PTPRD: variants seen among roughly 807,000 people sequenced by gnomAD.
The protein encoded by PTPRD is protein tyrosine phosphatase receptor type D.
In PTPRD, 34 loss-of-function variants were observed where a neutral mutation model predicts 214.5. That is an observed-to-expected ratio of 0.16 (90% CI 0.12 to 0.21). PTPRD has a LOEUF of 0.21. Among genes scored for constraint, PTPRD ranks in the 10% least tolerant of loss-of-function variants. The pLI is 1.00. For synonymous variants in PTPRD, 1,128 were observed against 845.7 expected, an observed-to-expected ratio of 1.33 and a Z score of -5.79; for missense variants, 2,545 against 2,398.7, an observed-to-expected ratio of 1.06 and a Z score of -1.27.
At chr9:9,587,619 G>T (rs1028096834) in intron 7 of PTPRD, among the ~76,000 whole-genome samples, 4 of 151,898 alleles carry the variant, frequency 2.6e-5, no homozygotes, top group Non-Finnish European at 4.4e-5. Context: ...AAAGGCTGGG[G>T]GTCTCACTAA....
chr9:9,176,284 T>A (rs1271309653), intron 10 of PTPRD, among the ~76,000 whole-genome samples: 1 of 152,192 alleles, frequency 6.6e-6, no homozygotes, highest in Admixed American at 6.5e-5. Context: ...TAGAAAGAGG[T>A]ATCTAACTTT....
intron 2 of PTPRD, among the ~76,000 whole-genome samples, chr9:10,505,897 T>A (rs1160538314): frequency 6.6e-6 from 1 of 152,072 alleles, no homozygotes; most frequent in African/African-American, 2.4e-5. Flanking sequence ...TATCAATACA[T>A]AAGCAGAAAA....
At position 8,404,464 on chromosome 9, in the gene PTPRD, C is replaced by A. The variant is rs2092767210; in HGVS notation, c.4210+73G>T. On this transcript the variant is annotated intron_variant, in intron 36 of 45. Coordinates refer to ENST00000381196, the MANE Select transcript of PTPRD (RefSeq NM_002839.4). ...CTTTCAGAGATGGTTAATAACCTCA[C>A]TAAAACAATATTCTCATGCACATAC... is the stretch of plus-strand genomic sequence containing the variant. 3.3e-6 allele frequency: 5 copies of A among 1,535,262 alleles called. No homozygotes were observed. The African/African-American group carries it at 6.8e-5, about 21-fold the overall frequency.
chr9:10,381,449 C>T (rs1017283431), intron 2 of PTPRD, among the ~76,000 whole-genome samples: 36 of 151,980 alleles, frequency 2.4e-4, no homozygotes, highest in African/African-American at 8.2e-4. Context: ...GCATATCATG[C>T]TTTCAATAGA....
chr9:8,553,552 G>C (rs1234974845), intron 14 of PTPRD, among the ~76,000 whole-genome samples: 1 of 152,104 alleles, frequency 6.6e-6, no homozygotes, highest in Non-Finnish European at 1.5e-5. Flanking sequence ...TCTACCAGGA[G>C]ATAGTAATAA....
At chr9:8,417,241 T>G (rs1326178030) in intron 35 of PTPRD, among the ~76,000 whole-genome samples, 2 of 152,104 alleles carry the variant, frequency 1.3e-5, no homozygotes, top group Non-Finnish European at 2.9e-5. Context: ...AGTATAATCT[T>G]TACTTTAATA....
At chr9:10,301,821 A>T (rs1232906287) in intron 3 of PTPRD, among the ~76,000 whole-genome samples, 1 of 152,232 alleles carries the variant, frequency 6.6e-6, no homozygotes, top group African/African-American at 2.4e-5. Flanking sequence ...TGATGAGGAG[A>T]AAGTAAACAA....
chr9:9,495,116 G>A (rs4008101), intron 8 of PTPRD, among the ~76,000 whole-genome samples: 9,877 of 152,008 alleles, frequency 0.065, 536 homozygotes, highest in East Asian at 0.26. Flanking sequence ...AGCCACATGC[G>A]AAACAATGAA....
At chr9:9,266,178 A>T (rs1265494401) in intron 9 of PTPRD, among the ~76,000 whole-genome samples, 1 of 151,542 alleles carries the variant, frequency 6.6e-6, no homozygotes, top group Non-Finnish European at 1.5e-5. Flanking sequence ...TCAAATCATC[A>T]AAAGGATGTA....
intron 21 of PTPRD, among the ~76,000 whole-genome samples, chr9:8,512,966 C>T (rs772259443): frequency 2.6e-5 from 4 of 151,938 alleles, no homozygotes; most frequent in Non-Finnish European, 5.9e-5. Flanking sequence ...ATTACCTTTA[C>T]AAGAAAACTA....
intron 3 of PTPRD, among the ~76,000 whole-genome samples, chr9:10,321,846 A>T (rs1187965684): frequency 6.6e-6 from 1 of 152,018 alleles, no homozygotes. Flanking sequence ...TCATGGGTAA[A>T]TGTTTCAGTT....
chr9:8,412,655 GA>G (rs1025889000), intron 35 of PTPRD, among the ~76,000 whole-genome samples: 38 of 152,260 alleles, frequency 2.5e-4, no homozygotes, highest in African/African-American at 8.7e-4. Flanking sequence ...GAACATCCCT[GA>G]TAGAAGACTA....
At chr9:8,353,509 C>G (rs146858920) in intron 39 of PTPRD, among the ~76,000 whole-genome samples, 1 of 151,754 alleles carries the variant, frequency 6.6e-6, no homozygotes, top group East Asian at 1.9e-4. Flanking sequence ...CTCGGCTCAT[C>G]GTAAACTCCG....
chr9:10,088,782 A>G (rs1300121586), intron 3 of PTPRD, among the ~76,000 whole-genome samples: 3 of 151,768 alleles, frequency 2.0e-5, no homozygotes, highest in Admixed American at 2.0e-4. Context: ...GCTGGCCAGC[A>G]TAATAGCTAA....
chr9:8,802,049 A>G (rs893299621), intron 11 of PTPRD, among the ~76,000 whole-genome samples: 1 of 152,176 alleles, frequency 6.6e-6, no homozygotes, highest in African/African-American at 2.4e-5. Context: ...TGAAACTTTT[A>G]TATCACCACA....
chr9:9,186,786 A>G (rs537820871), intron 9 of PTPRD, among the ~76,000 whole-genome samples: 1 of 152,140 alleles, frequency 6.6e-6, no homozygotes, highest in Non-Finnish European at 1.5e-5. Flanking sequence ...AATAACAAAC[A>G]TTTCAGAAAT....
chr9:9,316,052 C>T (rs892067183), intron 9 of PTPRD, among the ~76,000 whole-genome samples: 1 of 151,768 alleles, frequency 6.6e-6, no homozygotes, highest in Non-Finnish European at 1.5e-5. Context: ...AGTGCACATG[C>T]CTGTCCATAG....
intron 39 of PTPRD, among the ~76,000 whole-genome samples, chr9:8,368,231 T>C (rs1009866636): frequency 2.0e-5 from 3 of 152,200 alleles, no homozygotes; most frequent in African/African-American, 7.2e-5. Flanking sequence ...AAGTACGTTT[T>C]CTTCAGCAAA....
At chr9:9,054,478 T>A (rs1329335502) in intron 10 of PTPRD, among the ~76,000 whole-genome samples, 2 of 152,310 alleles carry the variant, frequency 1.3e-5, no homozygotes, top group East Asian at 3.9e-4. Context: ...ATATTTATGA[T>A]GATTCCTACA....
Sources: allele counts gnomAD v4.1 joint callset (sites outside exome capture counted in the v4.1 genomes callset), GRCh38; gene constraint gnomAD v4.1.1; transcripts MANE v1.5; gene names NCBI Gene and HGNC (gene_info 2026-07-23, HGNC 2026-07-21).